Variants in EFR3B observed in about 807,000 individuals in gnomAD.
The protein encoded by EFR3B is EFR3 homolog B, also known as protein EFR3 homolog B.
In EFR3B, 64 loss-of-function variants were observed where a neutral mutation model predicts 104.7. That is an observed-to-expected ratio of 0.61 (90% CI 0.50 to 0.75). EFR3B has a LOEUF of 0.75. Ranked by LOEUF, EFR3B falls within the 30% of genes least tolerant of loss-of-function variation. The pLI is 0.00. For synonymous variants in EFR3B, 385 were observed against 417.9 expected (o/e 0.92, Z 0.96); for missense variants, 750 against 1,078.5 (o/e 0.70, Z 4.27).
chr2:25,130,483 A>G lies in EFR3B; in HGVS notation c.771-69A>G. 2 of 1,364,940 alleles carry G rather than the reference A, an allele frequency of 1.5e-6. No individual in the cohort carries two copies. The highest frequency in any genetic ancestry group is 1.0e-6 in the Non-Finnish European group (1 of 977,000). 84.6% of individuals were successfully genotyped at this position (1,364,940 alleles called of 1,614,324 possible). ...TCTGAGAAGGTGTCCCTCTGCCTCC[A>G]AGCTAATCTCTTCTCCCTAACACTG... On this transcript the variant is annotated intron_variant, in intron 7 of 22. Transcript: ENST00000403714. The surrounding 1 kb of genome is among the most constrained non-coding windows in gnomAD (Gnocchi z 4.6).
intron 1 of EFR3B, chr2:25,081,709 C>T (rs961576241): frequency 3.9e-6 from 2 of 507,748 alleles, no homozygotes; most frequent in Non-Finnish European, 6.9e-6. Context: ...AGACCCATTC[C>T]CTTGGTACCG....
intron 1 of EFR3B, among the ~76,000 whole-genome samples, chr2:25,050,084 C>T (rs1300013147): frequency 3.3e-5 from 5 of 149,974 alleles, no homozygotes; most frequent in Admixed American, 2.0e-4. Flanking sequence ...GAGTGGAGAT[C>T]GTGCCATTGC....
chr2:25,102,640 G>T (rs973536486), intron 3 of EFR3B, among the ~76,000 whole-genome samples: 8 of 152,254 alleles, frequency 5.3e-5, no homozygotes, highest in Non-Finnish European at 1.2e-4. Flanking sequence ...GACACGTGGG[G>T]ATTATTACAA....
At chr2:25,150,058 T>C (rs1388406352) in intron 20 of EFR3B, among the ~76,000 whole-genome samples, 1 of 151,900 alleles carries the variant, frequency 6.6e-6, no homozygotes, top group Non-Finnish European at 1.5e-5. Flanking sequence ...TCCCAGCACT[T>C]TGGGAGGCTG....
chr2:25,095,360 TCAA>T (rs1202744458), intron 3 of EFR3B, among the ~76,000 whole-genome samples: 2 of 152,004 alleles, frequency 1.3e-5, no homozygotes, highest in Non-Finnish European at 2.9e-5. Flanking sequence ...AGTTAAAAAA[TCAA>T]CAACAACAAC....
At chr2:25,060,183 G>A (rs970268278) in intron 1 of EFR3B, among the ~76,000 whole-genome samples, 4 of 152,188 alleles carry the variant, frequency 2.6e-5, no homozygotes, top group East Asian at 1.9e-4. Context: ...GTGACAGAGC[G>A]AGACTCCGTC....
chr2:25,094,054 A>G (rs1285976852), intron 3 of EFR3B, among the ~76,000 whole-genome samples: 1 of 152,082 alleles, frequency 6.6e-6, no homozygotes, highest in Admixed American at 6.6e-5. Context: ...TAGGAGGCTG[A>G]GGTGGGAGGA....
intron 1 of EFR3B, among the ~76,000 whole-genome samples, chr2:25,064,195 C>T (rs1668271965): frequency 1.3e-5 from 2 of 152,232 alleles, no homozygotes; most frequent in Admixed American, 1.3e-4. Flanking sequence ...GGCATGGCGC[C>T]TGTCTTGTGT....
Position 25,092,994 on chromosome 2 carries a change from C to G in EFR3B, c.85-9C>G. 6.5e-7 allele frequency: 1 copy of G among 1,543,392 alleles called. No individual in the cohort carries two copies. The highest frequency in any genetic ancestry group is 8.7e-7 in the Non-Finnish European group (1 of 1,146,882). On this transcript the variant is annotated splice_polypyrimidine_tract_variant and intron_variant, in intron 2 of 22. Transcript: ENST00000403714. ...GGCCATAGTGAGCACAAGCTGTTTT[C>G]TCCTACAGGATGGTCTGGTGAAGAC...
At chr2:25,050,275 CTG>C (rs1354286245) in intron 1 of EFR3B, among the ~76,000 whole-genome samples, 1 of 152,114 alleles carries the variant, frequency 6.6e-6, no homozygotes, top group Non-Finnish European at 1.5e-5. Flanking sequence ...CTGGGGGCAG[CTG>C]TGCAGGGTGG....
rs77707155 is a variant in EFR3B, at chr2:25,079,981, T to C, written c.8-11344T>C. On this transcript the variant is annotated intron_variant, in intron 1 of 22. Coordinates refer to ENST00000403714, the MANE Select transcript of EFR3B (RefSeq NM_014971.2). ...GTTTCAGAGAGCCTTCTGAACGTTC[T>C]AGCAGTTTCCTCCAAGTCGTCACAA... is the stretch of plus-strand genomic sequence containing the variant. 0.024 allele frequency: 25,010 copies of C among 1,053,864 alleles called. 1,809 individuals are homozygous for C. In the East Asian group the frequency reaches 0.25, roughly 10 times the overall value. 65.3% of individuals were successfully genotyped at this position (1,053,864 alleles called of 1,614,324 possible).
At chr2:25,056,436 C>CTT (rs5829958) in intron 1 of EFR3B, among the ~76,000 whole-genome samples, 4,613 of 140,876 alleles carry the variant, frequency 0.033, 228 homozygotes, top group African/African-American at 0.11. Flanking sequence ...ATTACTTGTG[C>CTT]TTTTTTTTTT....
At chr2:25,100,655 G>T (rs544190188) in intron 3 of EFR3B, among the ~76,000 whole-genome samples, 1 of 152,154 alleles carries the variant, frequency 6.6e-6, no homozygotes, top group Non-Finnish European at 1.5e-5. Flanking sequence ...ACCGCGCCTG[G>T]CTAATTTTTG....
intron 20 of EFR3B, among the ~76,000 whole-genome samples, chr2:25,151,106 AC>A (rs1670995070): frequency 6.6e-6 from 1 of 151,366 alleles, no homozygotes; most frequent in Non-Finnish European, 1.5e-5. Context: ...TGCGACACAC[AC>A]CCCTTTTTCT....
rs529290922 is a variant in EFR3B at position 25,060,429 on chromosome 2, A to G, written c.7+18110A>G. ...CTTTGGATCTCTGGAAAACTCTTCC[A>G]ACTCAAATTAAGAATATCATTAAAG... On this transcript the variant is annotated intron_variant, in intron 1 of 22. Transcript: ENST00000403714. 1.5e-4 allele frequency among the ~76,000 whole-genome samples: 23 copies of G among 152,288 alleles called. No homozygotes were observed. The South Asian group carries it at 4.8e-3, about 32-fold the overall frequency.
At chr2:25,056,223 T>G (rs1032059234) in intron 1 of EFR3B, among the ~76,000 whole-genome samples, 4 of 149,106 alleles carry the variant, frequency 2.7e-5, no homozygotes, top group African/African-American at 1.0e-4. Context: ...AGCCATTTGA[T>G]TTTTTCCTCC....
intron 19 of EFR3B, chr2:25,146,276 A>C (rs1670814228): frequency 6.6e-6 from 1 of 151,954 alleles, no homozygotes; most frequent in Non-Finnish European, 1.5e-5. Flanking sequence ...CTTTCCCCAG[A>C]TGCAATCAGA....
In EFR3B at chr2:25,144,885, G is replaced by A. The variant is rs1573236466; in HGVS notation, c.2051-75G>A. On this transcript the variant is annotated intron_variant, in intron 18 of 22. Transcript: ENST00000403714. ...GGACCAAGCAAAGGCAGAGGGGTAG[G>A]GAGGTGGGACTAGCAGCTCAGTCCT... The A allele has an allele frequency of 2.3e-6, 3 of 1,300,724 alleles. No homozygotes were observed. In the South Asian group the frequency reaches 4.0e-5, roughly 17 times the overall value. 80.6% of individuals were successfully genotyped at this position (1,300,724 alleles called of 1,614,324 possible). A position where few individuals can be genotyped will look rare whatever the true frequency, so the allele number is the denominator to read the frequency against.
chr2:25,085,627 A>G (rs924908226), intron 1 of EFR3B, among the ~76,000 whole-genome samples: 3 of 151,788 alleles, frequency 2.0e-5, no homozygotes, highest in Non-Finnish European at 4.4e-5. Context: ...ACCACACCTG[A>G]CTAATTTTTG....
Sources: allele counts gnomAD v4.1 joint callset (sites outside exome capture counted in the v4.1 genomes callset), GRCh38; gene constraint gnomAD v4.1.1; non-coding constraint Gnocchi (gnomAD v3.1); transcripts MANE v1.5; gene names NCBI Gene and HGNC (gene_info 2026-07-23, HGNC 2026-07-21).